The following PSD3 variants were observed in gnomAD, a reference collection of about 807,000 sequenced individuals.
PSD3 encodes PH and SEC7 domain-containing protein 3.
Under a neutral mutation model 105.5 loss-of-function variants are expected in PSD3, and 49 were observed. The observed-to-expected ratio is 0.46, with a 90% CI of 0.37 to 0.59. PSD3 has a LOEUF of 0.59. Among genes scored for constraint, PSD3 ranks in the 20% least tolerant of loss-of-function variants. The pLI, the probability that PSD3 is intolerant of heterozygous loss-of-function variation, is 0.00. For missense variants in PSD3, 1,561 were observed against 1,263.8 expected (o/e 1.24, Z -3.57); for synonymous variants, 557 against 457.8 (o/e 1.22, Z -2.77).
chr8:18,997,892 T>C (rs1331696429), intron 1 of PSD3, among the ~76,000 whole-genome samples: 1 of 152,058 alleles, frequency 6.6e-6, no homozygotes, highest in Non-Finnish European at 1.5e-5. Flanking sequence ...TATTTTTCCC[T>C]GAAGGGCTTC....
chr8:19,064,589 G>T (rs956419388), intron 1 of PSD3, among the ~76,000 whole-genome samples: 2 of 152,144 alleles, frequency 1.3e-5, no homozygotes, highest in Admixed American at 1.3e-4. Flanking sequence ...TAATCTAAAC[G>T]CTGCTCAGCA....
chr8:18,934,589 G>A (rs1821984157), intron 2 of PSD3, among the ~76,000 whole-genome samples: 1 of 151,840 alleles, frequency 6.6e-6, no homozygotes, highest in Non-Finnish European at 1.5e-5. Context: ...TTTTTTTTTA[G>A]TAGAGATGGG....
At chr8:18,593,310 G>C (rs1350843813) in intron 12 of PSD3, among the ~76,000 whole-genome samples, 1 of 152,112 alleles carries the variant, frequency 6.6e-6, no homozygotes, top group African/African-American at 2.4e-5. Flanking sequence ...AAGAGTGGGT[G>C]AAGGATATGA....
At chr8:19,056,001 A>T (rs57673466) in intron 1 of PSD3, among the ~76,000 whole-genome samples, 1 of 152,222 alleles carries the variant, frequency 6.6e-6, no homozygotes, top group East Asian at 1.9e-4. Context: ...CTGCTGTAAC[A>T]TAACTCTATT....
At chr8:18,662,322 G>A (rs1423412503) in intron 9 of PSD3, among the ~76,000 whole-genome samples, 6 of 152,168 alleles carry the variant, frequency 3.9e-5, no homozygotes, top group Non-Finnish European at 7.3e-5. Flanking sequence ...TCTGTCTTCA[G>A]AGGCCTCTTA....
chr8:18,693,675 C>T (rs550136157), intron 9 of PSD3, among the ~76,000 whole-genome samples: 1 of 152,188 alleles, frequency 6.6e-6, no homozygotes, highest in Admixed American at 6.5e-5. Flanking sequence ...GTGGTGGCAA[C>T]TGCAGGCTAC....
chr8:19,012,772 T>C (rs1827014521), intron 1 of PSD3, among the ~76,000 whole-genome samples: 1 of 152,122 alleles, frequency 6.6e-6, no homozygotes, highest in Non-Finnish European at 1.5e-5. Flanking sequence ...TTTCCAGATC[T>C]CCGTCTTCCC....
At chr8:18,587,449 G>T (rs773548726) in intron 12 of PSD3, among the ~76,000 whole-genome samples, 5 of 152,026 alleles carry the variant, frequency 3.3e-5, no homozygotes, top group African/African-American at 4.8e-5. Context: ...TCTACTGCTT[G>T]CTACTCCCCC....
intron 9 of PSD3, among the ~76,000 whole-genome samples, chr8:18,671,803 T>A (rs1256750408): frequency 6.6e-6 from 1 of 152,150 alleles, no homozygotes; most frequent in Non-Finnish European, 1.5e-5. Context: ...GGCTAATTTT[T>A]TGTATTTTTA....
In PSD3 at chr8:19,064,035, G is replaced by A. The variant is rs111535449; in HGVS notation, c.324+20171C>T. ...GCACACCTGTAATCCCAGCTACTCC[G>A]GAGACTGAGGCTGGAGAATCACTTG... On this transcript the variant is annotated intron_variant, in intron 1 of 1. Transcript: ENST00000521475. 4.2e-4 allele frequency among the ~76,000 whole-genome samples: 64 copies of A among 152,130 alleles called. No homozygotes were observed. The East Asian group carries it at 5.8e-3, about 14-fold the overall frequency.
chr8:18,989,571 C>G (rs1450891746), intron 1 of PSD3, among the ~76,000 whole-genome samples: 1 of 152,178 alleles, frequency 6.6e-6, no homozygotes. Flanking sequence ...TGTCCCAGCT[C>G]TATTAATAAA....
chr8:19,032,889 T>C (rs77402217), intron 1 of PSD3, among the ~76,000 whole-genome samples: 402 of 152,292 alleles, frequency 2.6e-3, no homozygotes, highest in African/African-American at 9.3e-3. Context: ...TTAAGAAGGC[T>C]AGTTTAATGG....
intron 11 of PSD3, among the ~76,000 whole-genome samples, chr8:18,601,686 T>C (rs1296558394): frequency 6.6e-6 from 1 of 152,084 alleles, no homozygotes; most frequent in African/African-American, 2.4e-5. Flanking sequence ...TAAAAATACA[T>C]ATAACCAAAA....
chr8:18,669,624 C>T (rs1452366546), intron 9 of PSD3, among the ~76,000 whole-genome samples: 1 of 152,186 alleles, frequency 6.6e-6, no homozygotes, highest in Non-Finnish European at 1.5e-5. Context: ...TGGGATGGCA[C>T]ACGACAGTGA....
intron 9 of PSD3, among the ~76,000 whole-genome samples, chr8:18,669,084 T>G (rs972429099): frequency 1.3e-5 from 2 of 152,226 alleles, no homozygotes; most frequent in African/African-American, 4.8e-5. Context: ...ACTTGTCTAC[T>G]CCATCTCCCT....
Position 18,872,753 on chromosome 8 carries a change from G to T in PSD3, c.131-20C>A. 1.3e-6 allele frequency: 2 copies of T among 1,520,714 alleles called. No individual in the cohort carries two copies. Among genetic ancestry groups the T allele is most frequent in the Non-Finnish European group, 8.8e-7 (1 of 1,134,474 alleles). The allele number at this position is 1,520,714 out of a possible 1,614,324, so 94.2% of individuals were successfully genotyped here. On this transcript the variant is annotated intron_variant, in intron 2 of 15. Coordinates refer to ENST00000327040, the MANE Select transcript of PSD3 (RefSeq NM_015310.4). ...GATCACCTGTGAAGAGAACACAATG[G>T]ACATATGACTTGTTGTAGAAAGACA...
At chr8:19,002,278 A>C (rs1166830582) in intron 1 of PSD3, among the ~76,000 whole-genome samples, 1 of 152,014 alleles carries the variant, frequency 6.6e-6, no homozygotes, top group Non-Finnish European at 1.5e-5. Flanking sequence ...AAGGAAGGCG[A>C]CAACTCCCCC....
intron 2 of PSD3, among the ~76,000 whole-genome samples, chr8:18,921,858 C>G (rs1189450730): frequency 6.6e-6 from 1 of 152,132 alleles, no homozygotes; most frequent in Non-Finnish European, 1.5e-5. Flanking sequence ...AGTACCTGTG[C>G]TCTGAAGGCA....
intron 9 of PSD3, among the ~76,000 whole-genome samples, chr8:18,708,607 C>G (rs569754620): frequency 1.2e-4 from 18 of 152,024 alleles, no homozygotes; most frequent in African/African-American, 3.4e-4. Context: ...CGTCATGACC[C>G]AGTACATAAA....
Sources: allele counts gnomAD v4.1 joint callset (sites outside exome capture counted in the v4.1 genomes callset), GRCh38; gene constraint gnomAD v4.1.1; transcripts MANE v1.5; gene names NCBI Gene and HGNC (gene_info 2026-07-23, HGNC 2026-07-21).